NBEAL1: variants seen among roughly 807,000 people sequenced by gnomAD.
The protein encoded by NBEAL1 is neurobeachin-like protein 1.
A neutral mutation model predicts 351.3 loss-of-function variants in NBEAL1; 273 were observed. The ratio of observed to expected loss-of-function variants is 0.78; its 90% CI spans 0.70 to 0.86. The LOEUF (loss-of-function observed/expected upper bound fraction) is 0.86, where lower values mean the gene tolerates loss of function less well. Ranked by LOEUF, NBEAL1 falls within the 40% of genes least tolerant of loss-of-function variation. NBEAL1 has a pLI of 0.00. For missense variants in NBEAL1, 2,961 were observed against 3,201.3 expected, an observed-to-expected ratio of 0.92 and a Z score of 1.81; for synonymous variants, 1,050 against 1,086.4, an observed-to-expected ratio of 0.97 and a Z score of 0.66.
chr2:203,203,353 T>G (rs2065456243), intron 51 of NBEAL1, among the ~76,000 whole-genome samples: 1 of 152,040 alleles, frequency 6.6e-6, no homozygotes, highest in African/African-American at 2.4e-5. Context: ...TTTTGTATTT[T>G]TAGCAGAAAT....
chr2:203,146,359 A>C lies in NBEAL1; in HGVS notation c.5304+1199A>C, dbSNP rs80152712. On this transcript the variant is annotated intron_variant, in intron 33 of 55. Coordinates refer to ENST00000683969, the MANE Select transcript of NBEAL1 (RefSeq NM_001378026.1). ...CTTTCTCAGTCTCTTCAAAAATAGA[A>C]AAGTAGGAACATTTCTAGCTCATTT... 1.4e-3 allele frequency among the ~76,000 whole-genome samples: 208 copies of C among 152,296 alleles called. 3 individuals are homozygous for C. The East Asian group carries it at 0.036, about 27-fold the overall frequency.
At chr2:203,146,708 A>G (rs775376878) in intron 33 of NBEAL1, among the ~76,000 whole-genome samples, 3 of 151,986 alleles carry the variant, frequency 2.0e-5, no homozygotes, top group Non-Finnish European at 4.4e-5. Context: ...TGGGAGGAAC[A>G]CTCGAGTATA....
intron 18 of NBEAL1, among the ~76,000 whole-genome samples, chr2:203,116,677 C>T (rs1049019434): frequency 6.6e-6 from 1 of 150,976 alleles, no homozygotes; most frequent in African/African-American, 2.4e-5. Context: ...GTAGTCCCAG[C>T]TACTTGGGAG....
chr2:203,052,756 T>TTATTTA, intron 4 of NBEAL1, among the ~76,000 whole-genome samples: 1 of 151,300 alleles, frequency 6.6e-6, no homozygotes, highest in Admixed American at 6.6e-5. Context: ...ATTTATTTAT[T>TTATTTA]TGTATTTTTT....
intron 37 of NBEAL1, 39 bp from the exon 38 acceptor site, chr2:203,167,188 T>C (rs777050087): frequency 3.7e-5 from 58 of 1,576,664 alleles, no homozygotes; most frequent in Non-Finnish European, 5.0e-5. Context: ...TGAGTAACTT[T>C]ATATGGTATC....
At chr2:203,019,018 T>G (rs979620921) in intron 2 of NBEAL1, among the ~76,000 whole-genome samples, 1 of 152,234 alleles carries the variant, frequency 6.6e-6, no homozygotes, top group Non-Finnish European at 1.5e-5. Flanking sequence ...AACATTTTCA[T>G]GTATAGGCTC....
chr2:203,163,427 A>C (rs1023786965), intron 36 of NBEAL1, among the ~76,000 whole-genome samples: 2 of 152,034 alleles, frequency 1.3e-5, no homozygotes, highest in African/African-American at 4.8e-5. Context: ...TATAAAAATA[A>C]TTTTATATTC....
chr2:203,170,050 G>T (rs1371855506), intron 39 of NBEAL1, among the ~76,000 whole-genome samples, 199 bp downstream of exon 39: 1 of 152,112 alleles, frequency 6.6e-6, no homozygotes, highest in Non-Finnish European at 1.5e-5. Flanking sequence ...TTCAGTTCAT[G>T]GGTATATCCG....
intron 35 of NBEAL1, 110 bp downstream of exon 35, chr2:203,151,699 G>A (rs938870388): frequency 1.9e-6 from 2 of 1,042,822 alleles, no homozygotes; most frequent in Non-Finnish European, 2.6e-6. Context: ...AGGAAGGGTG[G>A]CATTTTATAA....
intron 35 of NBEAL1, among the ~76,000 whole-genome samples, chr2:203,154,167 C>T (rs909365548): frequency 2.0e-5 from 3 of 149,510 alleles, no homozygotes; most frequent in Admixed American, 6.7e-5. Context: ...ACCCGGGAGG[C>T]GGAGCTTGCA....
intron 15 of NBEAL1, 89 bp downstream of exon 15, chr2:203,110,371 G>C (rs2106239567): frequency 7.0e-7 from 1 of 1,426,918 alleles, no homozygotes; most frequent in East Asian, 2.5e-5. Flanking sequence ...TCATTTTTTT[G>C]CTAAAAAATT....
At chr2:203,201,421 A>G in intron 49 of NBEAL1, 122 bp from the exon 50 acceptor site, 2 of 726,496 alleles carry the variant, frequency 2.8e-6, no homozygotes, top group Non-Finnish European at 2.0e-6. Context: ...ATTAATAGAC[A>G]TTTCAAATAG....
intron 25 of NBEAL1, 21 bp downstream of exon 25, chr2:203,130,497 T>C (rs537126301): frequency 1.4e-6 from 2 of 1,380,212 alleles, no homozygotes; most frequent in Admixed American, 7.8e-5. Context: ...TTCTTAAACA[T>C]CTTTGTATTT....
chr2:203,221,395 A>G lies in NBEAL1; in HGVS notation c.*4041A>G, dbSNP rs911358550. Reference sequence around the variant, plus strand: ...ATTATATTATTAAATAATATATGTAATATGGGTGTCTGTTGGGGTTATGTG... The same window carrying G: ...ATTATATTATTAAATAATATATGTAGTATGGGTGTCTGTTGGGGTTATGTG... On this transcript the variant is annotated 3_prime_UTR_variant, in exon 56 of 56. Coordinates refer to ENST00000683969, the MANE Select transcript of NBEAL1 (RefSeq NM_001378026.1). 6.6e-6 allele frequency among the ~76,000 whole-genome samples: 1 copy of G among 151,404 alleles called. No homozygotes were observed. Among genetic ancestry groups the G allele is most frequent in the Admixed American group, 6.6e-5 (1 of 15,170 alleles).
intron 10 of NBEAL1, among the ~76,000 whole-genome samples, chr2:203,088,981 G>A (rs986959140): frequency 6.6e-6 from 1 of 152,142 alleles, no homozygotes; most frequent in African/African-American, 2.4e-5. Context: ...AAAGAGGGCA[G>A]AGTAGGAGAC....
At position 203,068,371 on chromosome 2, in the gene NBEAL1, A is replaced by G. The variant is rs187627459; in HGVS notation, c.516-22A>G. On this transcript the variant is annotated intron_variant, in intron 6 of 55. Transcript: ENST00000683969. The stretch of plus-strand genomic sequence containing the variant: ...CTGCTTGCCCATGTTGTAACTTATT[A>G]TTAACTTCTTTTTAATGATAGACGA... The G allele has an allele frequency of 2.9e-5, 39 of 1,358,626 alleles. No homozygotes were observed. The East Asian group carries it at 9.2e-4, about 32-fold the overall frequency. The allele number at this position is 1,358,626 out of a possible 1,614,324, so 84.2% of individuals were successfully genotyped here.
intron 48 of NBEAL1, among the ~76,000 whole-genome samples, chr2:203,197,623 A>G (rs2105800140): frequency 6.6e-6 from 1 of 152,272 alleles, no homozygotes; most frequent in East Asian, 1.9e-4. Context: ...ATATATAAAA[A>G]TAGGCTGGGC....
At chr2:203,121,071 G>A (rs2062819322) in intron 18 of NBEAL1, among the ~76,000 whole-genome samples, 1 of 152,106 alleles carries the variant, frequency 6.6e-6, no homozygotes, top group African/African-American at 2.4e-5. Flanking sequence ...TACGAATGGA[G>A]GTTAGCAAAT....
chr2:203,208,435 A>G (rs1384910166), intron 51 of NBEAL1, among the ~76,000 whole-genome samples: 1 of 152,216 alleles, frequency 6.6e-6, no homozygotes, highest in Non-Finnish European at 1.5e-5. Flanking sequence ...TAAGGTTTTG[A>G]GCTTAGTTAA....
Sources: gnomAD v4.1 joint callset for allele counts (sites outside exome capture counted in the v4.1 genomes callset) on GRCh38, gnomAD v4.1.1 for gene constraint, MANE v1.5 for transcripts, NCBI Gene and HGNC (gene_info 2026-07-23, HGNC 2026-07-21) for gene names.